CREBBP: variants seen among roughly 807,000 people sequenced by gnomAD.
CREBBP encodes CREB binding lysine acetyltransferase, also known as CREB-binding protein.
CREBBP carries 19 observed loss-of-function variants against 265.0 expected under a neutral mutation model. That is an observed-to-expected ratio of 0.07 (90% CI 0.05 to 0.11). The LOEUF (loss-of-function observed/expected upper bound fraction) is 0.11. CREBBP is among the 10% of genes least tolerant of loss of function. The pLI is 1.00. For missense variants in CREBBP, 2,525 were observed against 3,219.0 expected (o/e 0.78, Z 5.22); for synonymous variants, 1,457 against 1,223.7 (o/e 1.19, Z -3.98).
chr16:3,852,423 A>C (rs2141506676), intron 1 of CREBBP, among the ~76,000 whole-genome samples: 1 of 152,152 alleles, frequency 6.6e-6, no homozygotes, highest in South Asian at 2.1e-4. Context: ...GGGAGGCCTC[A>C]GCCTCCCAAA....
intron 21 of CREBBP, 23 bp from the exon 22 acceptor site, chr16:3,745,377 T>C (rs1337009663): frequency 6.2e-6 from 10 of 1,611,146 alleles, no homozygotes; most frequent in African/African-American, 2.7e-5. Context: ...GAAGGCGCAC[T>C]GTTAAAGCAC....
intron 5 of CREBBP, among the ~76,000 whole-genome samples, chr16:3,783,659 C>T (rs1028817790): frequency 3.3e-5 from 5 of 152,168 alleles, no homozygotes; most frequent in African/African-American, 1.2e-4. Context: ...CTGCATGGGT[C>T]TTATTATCCA....
intron 16 of CREBBP, among the ~76,000 whole-genome samples, chr16:3,765,268 G>A (rs571536186): frequency 1.3e-5 from 2 of 152,076 alleles, no homozygotes; most frequent in African/African-American, 2.4e-5. Context: ...GAGGCACCGC[G>A]TCTGGCCGCC....
rs2141216998 is a variant in CREBBP, at chr16:3,773,917, G to A, written c.2297C>T (p.Pro766Leu). ...MGSVPGMAISPSRMPQPPNMM... is the reference protein window; with the variant it reads ...MGSVPGMAISLSRMPQPPNMM... ...GTTCGGAGGCTGAGGCATTCGGGAAGGAGAAATGGCCATCTACGAGACAAC... is the reference window on the plus strand; with the variant it reads ...GTTCGGAGGCTGAGGCATTCGGGAAAGAGAAATGGCCATCTACGAGACAAC... The change falls in exon 13 of 31, where the codon CCT becomes CTT. Residue 766 changes from proline (P) to leucine (L), a missense_variant. By Grantham distance (98) the Pro-to-Leu change is moderately conservative. Coordinates refer to ENST00000262367, the MANE Select transcript of CREBBP (RefSeq NM_004380.3). 1 of 1,612,264 alleles carries A rather than the reference G, an allele frequency of 6.2e-7. No homozygotes were observed. The highest frequency in any genetic ancestry group is 8.5e-7 in the Non-Finnish European group (1 of 1,180,028).
intron 19 of CREBBP, among the ~76,000 whole-genome samples, chr16:3,756,964 C>T (rs129994): frequency 0.017 from 2,534 of 152,202 alleles, 29 homozygotes; most frequent in South Asian, 0.029. Flanking sequence ...TGTAAAAGTA[C>T]GCTTTATAAC....
chr16:3,856,350 T>A (rs1040536271), intron 1 of CREBBP, among the ~76,000 whole-genome samples: 10 of 152,224 alleles, frequency 6.6e-5, no homozygotes, highest in Non-Finnish European at 2.9e-5. Flanking sequence ...AGGGTCTTGC[T>A]CCGGCACCCA....
chr16:3,733,435 C>T (rs572596290), intron 28 of CREBBP, among the ~76,000 whole-genome samples: 7 of 151,662 alleles, frequency 4.6e-5, no homozygotes, highest in African/African-American at 1.7e-4. Context: ...GGGTCCTCCG[C>T]AGGATTCAGA....
chr16:3,781,324 A>AAATC lies in CREBBP; in HGVS notation c.1574-22_1574-19dup. Reference sequence around the variant, plus strand: ...ATTATTTCCTTTAAAGACAGAAAAGAAATCAATCAACAGTTAAATTTTAAT... The same window carrying AAATC: ...ATTATTTCCTTTAAAGACAGAAAAGAAATCAATCAATCAACAGTTAAATTTTAAT... On this transcript the variant is annotated intron_variant, in intron 6 of 30. Coordinates refer to ENST00000262367, the MANE Select transcript of CREBBP (RefSeq NM_004380.3). 1 of 1,599,098 alleles carries AAATC rather than the reference A, an allele frequency of 6.3e-7. No homozygotes were observed. The highest frequency in any genetic ancestry group is 8.6e-7 in the Non-Finnish European group (1 of 1,167,638).
At chr16:3,821,548 A>C (rs1224662530) in intron 2 of CREBBP, among the ~76,000 whole-genome samples, 1 of 152,222 alleles carries the variant, frequency 6.6e-6, no homozygotes, top group Admixed American at 6.5e-5. Context: ...AAGGGAGATA[A>C]AATTTGAAGG....
intron 16 of CREBBP, among the ~76,000 whole-genome samples, chr16:3,761,713 G>A (rs2052722615): frequency 6.6e-6 from 1 of 152,194 alleles, no homozygotes; most frequent in South Asian, 2.1e-4. Flanking sequence ...GCACTTGAAG[G>A]TGCAAAGGCC....
chr16:3,764,125 T>C (rs1224329924), intron 16 of CREBBP, among the ~76,000 whole-genome samples: 1 of 152,080 alleles, frequency 6.6e-6, no homozygotes, highest in African/African-American at 2.4e-5. Flanking sequence ...TTAAGAAAAT[T>C]TGTTTAAAAT....
intron 1 of CREBBP, among the ~76,000 whole-genome samples, chr16:3,859,647 C>T (rs1377780991): frequency 6.6e-6 from 1 of 152,116 alleles, no homozygotes; most frequent in Non-Finnish European, 1.5e-5. Flanking sequence ...GGGAGAGATA[C>T]TAAAGCTTAA....
At chr16:3,855,310 C>G (rs1200457598) in intron 1 of CREBBP, among the ~76,000 whole-genome samples, 1 of 152,204 alleles carries the variant, frequency 6.6e-6, no homozygotes, top group Non-Finnish European at 1.5e-5. Flanking sequence ...GTTGCCCACG[C>G]TAGATGGAGT....
chr16:3,761,580 A>G (rs1293879576), intron 16 of CREBBP: 4 of 518,580 alleles, frequency 7.7e-6, no homozygotes, highest in Non-Finnish European at 1.5e-5. Context: ...ACTCTTGACC[A>G]ACCTCCGCAG....
chr16:3,849,452 T>TGTGTGTG (rs1567360801), intron 2 of CREBBP, among the ~76,000 whole-genome samples: 11 of 76,260 alleles, frequency 1.4e-4, no homozygotes, highest in South Asian at 5.3e-4. Flanking sequence ...TGTGTGTGTG[T>TGTGTGTG]GTGTGTGTGT....
chr16:3,765,147 G>A, intron 16 of CREBBP, among the ~76,000 whole-genome samples: 1 of 152,058 alleles, frequency 6.6e-6, no homozygotes, highest in Non-Finnish European at 1.5e-5. Context: ...ATAATTTTTT[G>A]TATTTTGTTT....
intron 2 of CREBBP, among the ~76,000 whole-genome samples, chr16:3,849,427 GTGTGTGTGTGTGT>G (rs1567360102): frequency 0.017 from 272 of 16,370 alleles, 13 homozygotes; most frequent in South Asian, 0.027. Context: ...GTGTGTGTGT[GTGTGTGTGTGTGT>G]GTGTGTGTGT....
intron 2 of CREBBP, among the ~76,000 whole-genome samples, chr16:3,817,574 A>G (rs2141369853): frequency 6.6e-6 from 1 of 152,352 alleles, no homozygotes; most frequent in Admixed American, 6.5e-5. Flanking sequence ...AGGAGAGAGA[A>G]AAGTCAAGTC....
chr16:3,803,737 C>T (rs1490280354), intron 3 of CREBBP, among the ~76,000 whole-genome samples: 1 of 151,914 alleles, frequency 6.6e-6, no homozygotes, highest in Non-Finnish European at 1.5e-5. Context: ...CCTTCAGAAC[C>T]CAGCATTCTA....
Sources: allele counts gnomAD v4.1 joint callset (sites outside exome capture counted in the v4.1 genomes callset), GRCh38; gene constraint gnomAD v4.1.1; transcripts MANE v1.5; gene names NCBI Gene and HGNC (gene_info 2026-07-23, HGNC 2026-07-21).